Variants in MAPK10 observed in about 807,000 individuals in gnomAD.
The protein encoded by MAPK10 is JNK3 alpha protein kinase.
In MAPK10, 25 loss-of-function variants were observed where a neutral mutation model predicts 59.3. The ratio of observed to expected loss-of-function variants is 0.42; its 90% CI spans 0.31 to 0.59. The LOEUF (loss-of-function observed/expected upper bound fraction) is 0.59. Ranked by LOEUF, MAPK10 falls within the 20% of genes least tolerant of loss-of-function variation. The probability of loss-of-function intolerance (pLI) is 0.15; values close to 1 mark genes in which losing one functional copy is unlikely to be tolerated. For missense variants in MAPK10, 351 were observed against 568.9 expected (o/e 0.62, Z 3.90); for synonymous variants, 190 against 200.5 (o/e 0.95, Z 0.44).
intron 2 of MAPK10, among the ~76,000 whole-genome samples, chr4:86,195,554 ACTTTACTT>A (rs1321641852): frequency 1.3e-5 from 2 of 151,760 alleles, no homozygotes; most frequent in South Asian, 2.1e-4. Context: ...GATGACTAGA[ACTTTACTT>A]CTTTTTTTAT....
At chr4:86,129,462 T>C (rs2060634144) in intron 4 of MAPK10, among the ~76,000 whole-genome samples, 1 of 152,196 alleles carries the variant, frequency 6.6e-6, no homozygotes, top group Non-Finnish European at 1.5e-5. Flanking sequence ...TAAATAAACA[T>C]GAAGATTGTC....
chr4:86,432,771 T>G (rs1748213074), intron 1 of MAPK10, among the ~76,000 whole-genome samples: 1 of 152,026 alleles, frequency 6.6e-6, no homozygotes, highest in Non-Finnish European at 1.5e-5. Flanking sequence ...GTGGTGGCAA[T>G]CAATCCTCAG....
chr4:86,255,119 T>C (rs2093649922), intron 2 of MAPK10, among the ~76,000 whole-genome samples: 1 of 151,994 alleles, frequency 6.6e-6, no homozygotes, highest in Admixed American at 6.6e-5. Flanking sequence ...AGAGACTAAA[T>C]TGGAGATGTG....
At chr4:86,591,617 G>C (rs553551062) in intron 1 of MAPK10, among the ~76,000 whole-genome samples, 2 of 152,080 alleles carry the variant, frequency 1.3e-5, no homozygotes, top group Non-Finnish European at 2.9e-5. Flanking sequence ...CAAGTGATCT[G>C]TCCACTTCAG....
chr4:86,220,349 C>CA (rs201909897), intron 2 of MAPK10, among the ~76,000 whole-genome samples: 80 of 148,456 alleles, frequency 5.4e-4, no homozygotes, highest in African/African-American at 1.1e-3. Context: ...CAAAACAAAA[C>CA]AAAAAAAAAA....
intron 1 of MAPK10, among the ~76,000 whole-genome samples, chr4:86,408,605 A>G (rs1744698485): frequency 6.6e-6 from 1 of 152,190 alleles, no homozygotes; most frequent in Non-Finnish European, 1.5e-5. Flanking sequence ...AATTGGCATG[A>G]GATGGTATCT....
At chr4:86,408,942 C>T (rs755884823) in intron 1 of MAPK10, among the ~76,000 whole-genome samples, 2 of 152,082 alleles carry the variant, frequency 1.3e-5, no homozygotes, top group Non-Finnish European at 2.9e-5. Context: ...TTTGTTTCCA[C>T]TGCTTTTGGT....
At chr4:86,135,350 G>C (rs371985242) in intron 4 of MAPK10, among the ~76,000 whole-genome samples, 1 of 152,202 alleles carries the variant, frequency 6.6e-6, no homozygotes, top group Non-Finnish European at 1.5e-5. Context: ...AGAAGGGGCA[G>C]ACTGCCTCCT....
At chr4:86,517,184 T>G (rs929803811) in intron 1 of MAPK10, among the ~76,000 whole-genome samples, 1 of 152,150 alleles carries the variant, frequency 6.6e-6, no homozygotes, top group African/African-American at 2.4e-5. Context: ...TTTTTGTTTT[T>G]ACTTCTATTT....
intron 1 of MAPK10, among the ~76,000 whole-genome samples, chr4:86,391,096 C>T (rs1275237475): frequency 6.6e-6 from 1 of 152,138 alleles, no homozygotes; most frequent in African/African-American, 2.4e-5. Flanking sequence ...GAAAGCTACA[C>T]AAAAATCAGT....
In MAPK10 at chr4:86,011,848, TA is replaced by T. The variant is rs1250460560; in HGVS notation, c.*5379del. Reference sequence around the variant, plus strand: ...ATAGTTAATTGGTTAAATAAAACATTATTTACAGAAATAGAAGAGCCACTCC... The same window carrying T: ...ATAGTTAATTGGTTAAATAAAACATTTTTACAGAAATAGAAGAGCCACTCC... On this transcript the variant is annotated 3_prime_UTR_variant, in exon 14 of 14. Coordinates refer to ENST00000641462, the MANE Select transcript of MAPK10 (RefSeq NM_138982.4). 6.6e-6 allele frequency: 1 copy of T among 152,188 alleles called. No homozygotes were observed. The highest frequency in any genetic ancestry group is 2.4e-5 in the African/African-American group (1 of 41,460). The allele number at this position is 152,188 out of a possible 1,614,324, so 9.4% of individuals were successfully genotyped here.
At chr4:86,378,365 C>T (rs1472052870) in intron 1 of MAPK10, among the ~76,000 whole-genome samples, 1 of 152,172 alleles carries the variant, frequency 6.6e-6, no homozygotes, top group Non-Finnish European at 1.5e-5. Context: ...GCATTATTCA[C>T]ACTTCAGTTC....
At chr4:86,490,411 C>T (rs1051969279) in intron 1 of MAPK10, among the ~76,000 whole-genome samples, 3 of 152,122 alleles carry the variant, frequency 2.0e-5, no homozygotes, top group Non-Finnish European at 2.9e-5. Flanking sequence ...ATGTGGTAAG[C>T]GTATGGGCCA....
intron 5 of MAPK10, among the ~76,000 whole-genome samples, chr4:86,106,602 G>C (rs1447230652): frequency 6.6e-6 from 1 of 151,740 alleles, no homozygotes; most frequent in Admixed American, 6.6e-5. Context: ...CTTAGATTCT[G>C]AAATGAAGAA....
rs10006563 is a variant in MAPK10 at position 86,372,572 on chromosome 4, A to G, written c.-121-17928T>C. ...AGAAAGAAAGAAAGAAAGAAAGAAA[A>G]GAAAAGAAAAGAAAAGAAAAGAAAA... On this transcript the variant is annotated intron_variant, in intron 1 of 13. Coordinates refer to the MAPK10 transcript ENST00000361569. 1.0e-3 allele frequency among the ~76,000 whole-genome samples: 105 copies of G among 103,978 alleles called. 1 individual carries two copies. Among genetic ancestry groups the G allele is most frequent in the Middle Eastern group, 4.9e-3 (1 of 206 alleles). 68.2% of individuals were successfully genotyped at this position (103,978 alleles called of 152,430 possible). A position where few individuals can be genotyped will look rare whatever the true frequency, so the allele number is the denominator to read the frequency against.
intron 1 of MAPK10, among the ~76,000 whole-genome samples, chr4:86,393,826 C>T (rs1742550707): frequency 6.6e-6 from 1 of 152,186 alleles, no homozygotes; most frequent in African/African-American, 2.4e-5. Flanking sequence ...CTCTCCCTGA[C>T]CTTGAGTGTC....
intron 5 of MAPK10, among the ~76,000 whole-genome samples, chr4:86,105,121 C>A (rs1294265873): frequency 6.6e-6 from 1 of 151,990 alleles, no homozygotes; most frequent in Non-Finnish European, 1.5e-5. Context: ...ATAAGAAATA[C>A]AGAAAACAGG....
At chr4:86,363,621 C>T (rs1292760362), upstream of MAPK10, among the ~76,000 whole-genome samples, 2 of 151,976 alleles carry the variant, frequency 1.3e-5, no homozygotes, top group East Asian at 3.9e-4. Flanking sequence ...ATAACTGAGA[C>T]CTCACATCAT....
chr4:86,458,527 G>A (rs1331741649), intron 1 of MAPK10, among the ~76,000 whole-genome samples: 1 of 151,998 alleles, frequency 6.6e-6, no homozygotes, highest in Non-Finnish European at 1.5e-5. Flanking sequence ...GTGCTATAAG[G>A]CCATAGTCAT....
Sources: gnomAD v4.1 joint callset for allele counts (sites outside exome capture counted in the v4.1 genomes callset) on GRCh38, gnomAD v4.1.1 for gene constraint, MANE v1.5 for transcripts, NCBI Gene and HGNC (gene_info 2026-07-23, HGNC 2026-07-21) for gene names.